The following ATR variants were observed in gnomAD, a reference collection of about 807,000 sequenced individuals.
ATR encodes serine/threonine-protein kinase ATR.
ATR carries 142 observed loss-of-function variants against 305.3 expected under a neutral mutation model. The ratio of observed to expected loss-of-function variants is 0.47; its 90% CI spans 0.41 to 0.53. The LOEUF is 0.53. Among genes scored for constraint, ATR ranks in the 20% least tolerant of loss-of-function variants. The pLI is 0.00. For missense variants in ATR, 2,135 were observed against 3,133.1 expected, an observed-to-expected ratio of 0.68 and a Z score of 7.60; for synonymous variants, 1,050 against 1,068.1, an observed-to-expected ratio of 0.98 and a Z score of 0.33.
In ATR at chr3:142,450,481, A is replaced by G. The variant is rs2070764490; in HGVS notation, c.7762-879T>C. ...TATTACTCACTTAATGAGGTCCACTAAAGAGAGAGTTCATCAGGATCCTTG... is the reference window on the plus strand; with the variant it reads ...TATTACTCACTTAATGAGGTCCACTGAAGAGAGAGTTCATCAGGATCCTTG... On this transcript the variant is annotated intron_variant, in intron 46 of 46. Coordinates refer to ENST00000350721, the MANE Select transcript of ATR (RefSeq NM_001184.4). 3.7e-6 allele frequency: 6 copies of G among 1,602,388 alleles called. No individual in the cohort carries two copies. In the Admixed American group the frequency reaches 8.4e-5, roughly 22 times the overall value.
chr3:142,550,293 C>G lies in ATR; in HGVS notation c.2815G>C (p.Glu939Gln). The change falls in exon 14 of 47, where the codon GAA (glutamate) becomes CAA (glutamine). Residue 939 changes from glutamate to glutamine, a missense_variant. Transcript: ENST00000350721. ...GTCATCTGACTAGAGTGAAGGGATTCTACCAAAAACTAGAGCAAAAACCAT... is the reference window on the plus strand; with the variant it reads ...GTCATCTGACTAGAGTGAAGGGATTGTACCAAAAACTAGAGCAAAAACCAT... ...YKKPICQFLV[E>Q]SLHSSQMTAL... 1 of 1,614,058 alleles carries G rather than the reference C, an allele frequency of 6.2e-7. No homozygotes were observed. Among genetic ancestry groups the G allele is most frequent in the Non-Finnish European group, 8.5e-7 (1 of 1,179,962 alleles).
At chr3:142,510,888 T>C (rs1352659687) in intron 27 of ATR, among the ~76,000 whole-genome samples, 4 of 152,072 alleles carry the variant, frequency 2.6e-5, no homozygotes, top group Non-Finnish European at 5.9e-5. Flanking sequence ...GCTTATATCA[T>C]AGGGACAAAT....
At chr3:142,450,601 A>G (rs2070767073) in intron 46 of ATR, 2 of 1,607,942 alleles carry the variant, frequency 1.2e-6, no homozygotes, top group Non-Finnish European at 1.7e-6. Context: ...AGAACTTGCC[A>G]TCTTAGGAAA....
Position 142,449,410 on chromosome 3 carries a change from T to A in ATR, c.*19A>T, listed in dbSNP as rs1230527292. ...CATTACTTTTAGATTATTAACATAT[T>A]CTTTTACATAATTTCATTTCACATA... On this transcript the variant is annotated 3_prime_UTR_variant, in exon 47 of 47. Transcript: ENST00000350721. The A allele has an allele frequency of 1.3e-6, 2 of 1,581,036 alleles. No individual in the cohort carries two copies. The highest frequency in any genetic ancestry group is 3.3e-5 in the Admixed American group (2 of 59,966).
chr3:142,449,289 T>A lies in ATR; in HGVS notation c.*140A>T. Reference sequence around the variant, plus strand: ...AACTGAATGTATATTATTTTACATATAATTAATGATCAGAGAGAAATAACA... The same window carrying A: ...AACTGAATGTATATTATTTTACATAAAATTAATGATCAGAGAGAAATAACA... On this transcript the variant is annotated 3_prime_UTR_variant, in exon 47 of 47. Coordinates refer to ENST00000350721, the MANE Select transcript of ATR (RefSeq NM_001184.4). 1.4e-6 allele frequency: 1 copy of A among 733,626 alleles called. No individual in the cohort carries two copies. Among genetic ancestry groups the A allele is most frequent in the Non-Finnish European group, 2.2e-6 (1 of 447,752 alleles). The allele number at this position is 733,626 out of a possible 1,614,324, so 45.4% of individuals were successfully genotyped here.
chr3:142,542,613 T>C (rs2034093421), intron 17 of ATR, 52 bp downstream of exon 17: 8 of 1,414,872 alleles, frequency 5.7e-6, no homozygotes, highest in South Asian at 1.2e-5. Flanking sequence ...GCAGAATTTA[T>C]CTATATTCTG....
At chr3:142,499,976 G>A in intron 30 of ATR, 1 of 374,736 alleles carries the variant, frequency 2.7e-6, no homozygotes, top group Non-Finnish European at 4.9e-6. Context: ...ATTAAAGTGT[G>A]CCATATATTA....
chr3:142,512,086 C>T (rs546105203), intron 27 of ATR, among the ~76,000 whole-genome samples, 174 bp downstream of exon 27: 21 of 152,164 alleles, frequency 1.4e-4, no homozygotes, highest in African/African-American at 5.1e-4. Flanking sequence ...CCACTGCACT[C>T]CAGCCTGGGC....
At chr3:142,528,759 T>C (rs897051771) in intron 21 of ATR, among the ~76,000 whole-genome samples, 3 of 149,244 alleles carry the variant, frequency 2.0e-5, no homozygotes, top group African/African-American at 7.4e-5. Context: ...TACAGTATAC[T>C]ATAATTAGTG....
At chr3:142,551,585 A>G (rs192080252) in intron 13 of ATR, among the ~76,000 whole-genome samples, 38 of 152,346 alleles carry the variant, frequency 2.5e-4, no homozygotes, top group Non-Finnish European at 8.8e-5. Flanking sequence ...AGGACTCTCT[A>G]TTTAATAAAT....
At position 142,563,015 on chromosome 3, in the gene ATR, T is replaced by C; in HGVS notation, c.387A>G (p.Ser129=). 6.3e-7 allele frequency: 1 copy of C among 1,598,600 alleles called. No homozygotes were observed. The highest frequency in any genetic ancestry group is 2.2e-5 in the East Asian group (1 of 44,812). Residue 129 remains serine (S), a synonymous_variant, in exon 4 of 47, where the codon TCA becomes TCG. Transcript: ENST00000350721. ...TCTTGCTTTTAAAAAGAAATAATAA[T>C]GAACAGATGACTTCACAGATTTTCT... ...LHKKICEVIC[S]LLFLFKSKSP... is the part of the protein sequence containing the mutation.
chr3:142,449,288 A>G lies in ATR; in HGVS notation c.*141T>C, dbSNP rs1418781357. 13 of 727,656 alleles carry G rather than the reference A, an allele frequency of 1.8e-5. No individual in the cohort carries two copies. The highest frequency in any genetic ancestry group is 2.5e-5 in the Non-Finnish European group (11 of 443,226). The allele number at this position is 727,656 out of a possible 1,614,324, so 45.1% of individuals were successfully genotyped here. On this transcript the variant is annotated 3_prime_UTR_variant, in exon 47 of 47. Transcript: ENST00000350721. Reference sequence around the variant, plus strand: ...TAACTGAATGTATATTATTTTACATATAATTAATGATCAGAGAGAAATAAC... The same window carrying G: ...TAACTGAATGTATATTATTTTACATGTAATTAATGATCAGAGAGAAATAAC...
chr3:142,535,132 T>A lies in ATR; in HGVS notation c.3893A>T (p.Asp1298Val), dbSNP rs148994209. The change falls in exon 21 of 47, where the codon GAT becomes GTT. Residue 1298 changes from aspartate to valine, a missense_variant. Physicochemically the swap from Asp to Val is radical, Grantham distance 152 (BLOSUM62 -3). Around this residue, in one of 9 missense-constraint regions of ATR, gnomAD observed 530 missense variants for 766.8 expected, o/e 0.69. Coordinates refer to ENST00000350721, the MANE Select transcript of ATR (RefSeq NM_001184.4). Reference sequence around the variant, plus strand: ...GCTTGTAAGAGCATGAATACGAACATCGACATTTTCATGTTGAATGGCCTT... The same window carrying A: ...GCTTGTAAGAGCATGAATACGAACAACGACATTTTCATGTTGAATGGCCTT... ...SMKAIQHENVDVRIHALTSLK... is the reference protein window; with the variant it reads ...SMKAIQHENVVVRIHALTSLK... 120 of 1,613,282 alleles carry A rather than the reference T, an allele frequency of 7.4e-5. No individual in the cohort carries two copies. Among genetic ancestry groups the A allele is most frequent in the Non-Finnish European group, 1.7e-6 (2 of 1,179,472 alleles).
intron 17 of ATR, among the ~76,000 whole-genome samples, chr3:142,541,356 T>C (rs944909129): frequency 3.3e-5 from 5 of 152,202 alleles, no homozygotes; most frequent in African/African-American, 1.2e-4. Context: ...ATTTCTTTCA[T>C]ATCTATCCCA....
chr3:142,574,237 G>A (rs1421100972), intron 1 of ATR, among the ~76,000 whole-genome samples: 1 of 152,072 alleles, frequency 6.6e-6, no homozygotes, highest in African/African-American at 2.4e-5. Context: ...GGCTGAGGTG[G>A]GCGGATCACT....
At chr3:142,481,079 G>A (rs535419024) in intron 36 of ATR, among the ~76,000 whole-genome samples, 12 of 152,298 alleles carry the variant, frequency 7.9e-5, no homozygotes, top group Admixed American at 1.3e-4. Flanking sequence ...TGCTCGGTGC[G>A]CTGCACCCAC....
chr3:142,578,103 T>G (rs1023722012), intron 1 of ATR, among the ~76,000 whole-genome samples: 2 of 152,206 alleles, frequency 1.3e-5, no homozygotes, highest in African/African-American at 4.8e-5. Context: ...ATCTTCAGTA[T>G]GTACTATGAC....
In ATR at chr3:142,553,999, T is replaced by C. The variant is rs1186305043; in HGVS notation, c.2358A>G (p.Leu786=). ...AATCAAGATGCTTACAAAGATGATG[T>C]AGATTATCTATGAAAGCTGAAGGAC... The part of the protein sequence containing the change: ...SPVKLAFIDN[L]HHLCKHLDFR... Residue 786 remains leucine (L), a synonymous_variant, in exon 11 of 47, where the codon CTA becomes CTG. Coordinates refer to ENST00000350721, the MANE Select transcript of ATR (RefSeq NM_001184.4). The C allele has an allele frequency of 1.2e-6, 2 of 1,608,216 alleles. No homozygotes were observed. The highest frequency in any genetic ancestry group is 1.7e-5 in the Admixed American group (1 of 59,664).
At chr3:142,467,890 A>G (rs1319142277) in intron 39 of ATR, 44 bp downstream of exon 39, 1 of 1,603,900 alleles carries the variant, frequency 6.2e-7, no homozygotes, top group East Asian at 2.2e-5. Flanking sequence ...TTATATACAT[A>G]ATTACCCAAC....
Sources: gnomAD v4.1 joint callset for allele counts (sites outside exome capture counted in the v4.1 genomes callset) on GRCh38, gnomAD v4.1.1 for gene constraint, gnomAD v4.1.1 regional missense constraint, MANE v1.5 for transcripts, NCBI Gene and HGNC (gene_info 2026-07-23, HGNC 2026-07-21) for gene names.